Variants in PCNX1 observed in about 807,000 individuals in gnomAD.
The protein encoded by PCNX1 is pecanex-like protein 1.
Under a neutral mutation model 242.2 loss-of-function variants are expected in PCNX1, and 78 were observed. The observed-to-expected ratio is 0.32, with a 90% CI of 0.27 to 0.39. PCNX1 has a LOEUF of 0.39. Ranked by LOEUF, PCNX1 falls within the 10% of genes least tolerant of loss-of-function variation. The pLI, the probability that PCNX1 is intolerant of heterozygous loss-of-function variation, is 1.00. For synonymous variants in PCNX1, 1,024 were observed against 1,032.9 expected (o/e 0.99, Z 0.17); for missense variants, 2,581 against 2,856.5 (o/e 0.90, Z 2.20).
Position 71,083,795 on chromosome 14 carries a change from T to C in PCNX1, c.5338-4535T>C, listed in dbSNP as rs144434200. On this transcript the variant is annotated intron_variant, in intron 28 of 35. Transcript: ENST00000304743. Reference sequence around the variant, plus strand: ...AGCTTCCTTGCATTGGGTTAGAACATGCTCCGTTAGCTTGGAGGAGTTTGT... The same window carrying C: ...AGCTTCCTTGCATTGGGTTAGAACACGCTCCGTTAGCTTGGAGGAGTTTGT... Among the ~76,000 whole-genome samples the C allele has an allele frequency of 1.3e-4, 20 of 152,288 alleles. No homozygotes were observed. In the East Asian group the frequency reaches 3.7e-3, roughly 28 times the overall value.
At chr14:70,911,539 T>C (rs1566810828) in intron 1 of PCNX1, among the ~76,000 whole-genome samples, 2 of 152,210 alleles carry the variant, frequency 1.3e-5, no homozygotes, top group Non-Finnish European at 2.9e-5. Context: ...GTTACAGTGA[T>C]TTTTGTACAT....
At chr14:70,973,940 C>T (rs1294964876) in intron 5 of PCNX1, among the ~76,000 whole-genome samples, 1 of 152,006 alleles carries the variant, frequency 6.6e-6, no homozygotes, top group Non-Finnish European at 1.5e-5. Flanking sequence ...TTCATTACTC[C>T]AGTAAGAAAC....
chr14:71,079,271 G>A (rs1452620007), intron 28 of PCNX1, among the ~76,000 whole-genome samples: 12 of 152,192 alleles, frequency 7.9e-5, no homozygotes, highest in Admixed American at 7.9e-4. Context: ...TTGGTTCCAA[G>A]TCTTTGCTAT....
At chr14:71,063,477 T>G (rs544066217) in intron 26 of PCNX1, among the ~76,000 whole-genome samples, 1 of 152,288 alleles carries the variant, frequency 6.6e-6, no homozygotes, top group East Asian at 1.9e-4. Flanking sequence ...GTAGACTGAT[T>G]AAATAATGTA....
chr14:71,057,772 C>A (rs1329424467), intron 26 of PCNX1, 48 bp downstream of exon 26: 2 of 1,258,022 alleles, frequency 1.6e-6, no homozygotes, highest in African/African-American at 3.0e-5. Flanking sequence ...TCCTGTGGCA[C>A]CTTAGTTTTA....
At chr14:70,943,262 A>G (rs1296409095) in intron 1 of PCNX1, among the ~76,000 whole-genome samples, 1 of 152,222 alleles carries the variant, frequency 6.6e-6, no homozygotes, top group Non-Finnish European at 1.5e-5. Context: ...AGGGCTCAGA[A>G]GAAGACAGGA....
chr14:71,001,863 G>A (rs2059515694), intron 8 of PCNX1, among the ~76,000 whole-genome samples: 1 of 152,210 alleles, frequency 6.6e-6, no homozygotes, highest in South Asian at 2.1e-4. Context: ...TTCACATGTG[G>A]CTTTCTTGCC....
At chr14:71,009,419 C>G (rs574631420) in intron 8 of PCNX1, among the ~76,000 whole-genome samples, 2 of 152,144 alleles carry the variant, frequency 1.3e-5, no homozygotes, top group African/African-American at 4.8e-5. Context: ...CCTTTTAATA[C>G]CTGATTATGT....
chr14:70,964,258 G>A (rs1292829859), intron 3 of PCNX1, among the ~76,000 whole-genome samples: 1 of 152,032 alleles, frequency 6.6e-6, no homozygotes, highest in African/African-American at 2.4e-5. Context: ...TAGTAGAGAT[G>A]GGGTTCACCA....
intron 27 of PCNX1, among the ~76,000 whole-genome samples, chr14:71,075,308 G>A (rs1433076628): frequency 6.6e-6 from 1 of 152,004 alleles, no homozygotes. Flanking sequence ...TTCATATCTT[G>A]TGTTGTTACC....
chr14:71,032,555 A>G (rs2140937412), intron 16 of PCNX1, among the ~76,000 whole-genome samples: 1 of 152,362 alleles, frequency 6.6e-6, no homozygotes, highest in South Asian at 2.1e-4. Context: ...TATTAAAAAA[A>G]TAAAATGTCT....
At chr14:70,949,041 C>G (rs1414676726) in intron 2 of PCNX1, among the ~76,000 whole-genome samples, 3 of 144,050 alleles carry the variant, frequency 2.1e-5, no homozygotes, top group African/African-American at 7.8e-5. Context: ...TATATATACA[C>G]ATGTATATAT....
chr14:70,927,515 A>G (rs1161123987), intron 1 of PCNX1, among the ~76,000 whole-genome samples: 2 of 152,154 alleles, frequency 1.3e-5, no homozygotes, highest in African/African-American at 2.4e-5. Flanking sequence ...TAATGCTCTT[A>G]TGAGAGCTAA....
At chr14:71,059,371 TAACTC>T (rs906615284) in intron 26 of PCNX1, among the ~76,000 whole-genome samples, 7 of 152,048 alleles carry the variant, frequency 4.6e-5, no homozygotes, top group African/African-American at 1.7e-4. Context: ...CTGTAATTCT[TAACTC>T]AGACATTAGC....
intron 7 of PCNX1, among the ~76,000 whole-genome samples, chr14:70,994,396 G>GATACAT: frequency 1.0e-5 from 1 of 96,966 alleles, no homozygotes; most frequent in South Asian, 4.1e-4. Context: ...ACAGGCTTAA[G>GATACAT]ATATATATAT....
chr14:71,035,191 C>T (rs1038304884), intron 18 of PCNX1, among the ~76,000 whole-genome samples: 1 of 152,098 alleles, frequency 6.6e-6, no homozygotes, highest in Admixed American at 6.5e-5. Flanking sequence ...CACTGCACTC[C>T]AGCCTGGGCA....
chr14:71,075,135 C>T (rs527955588), intron 27 of PCNX1, among the ~76,000 whole-genome samples: 14 of 151,930 alleles, frequency 9.2e-5, no homozygotes, highest in Non-Finnish European at 1.6e-4. Flanking sequence ...ACTGGGACTA[C>T]AGGTGCATGC....
chr14:71,076,547 C>T (rs1361093361), intron 28 of PCNX1, 128 bp downstream of exon 28: 4 of 651,774 alleles, frequency 6.1e-6, no homozygotes, highest in Non-Finnish European at 1.1e-5. Context: ...GTTAAGATAA[C>T]CTAACTGGTT....
chr14:70,940,531 C>G (rs2057193191), intron 1 of PCNX1, among the ~76,000 whole-genome samples: 2 of 152,182 alleles, frequency 1.3e-5, no homozygotes, highest in African/African-American at 4.8e-5. Flanking sequence ...TGTGGGTAAC[C>G]TGACCTTTCT....
Sources: allele counts gnomAD v4.1 joint callset (sites outside exome capture counted in the v4.1 genomes callset), GRCh38; gene constraint gnomAD v4.1.1; transcripts MANE v1.5; gene names NCBI Gene and HGNC (gene_info 2026-07-23, HGNC 2026-07-21).